SNTG1: variants seen among roughly 807,000 people sequenced by gnomAD.
SNTG1 encodes syntrophin gamma 1.
Under a neutral mutation model 74.7 loss-of-function variants are expected in SNTG1, and 39 were observed. The ratio of observed to expected loss-of-function variants is 0.52; its 90% confidence interval spans 0.40 to 0.68. The LOEUF (loss-of-function observed/expected upper bound fraction) is 0.68. SNTG1 is among the 30% of genes least tolerant of loss of function. The pLI is 0.00. For missense variants in SNTG1, 685 were observed against 609.5 expected (o/e 1.12, Z -1.30); for synonymous variants, 254 against 217.1 (o/e 1.17, Z -1.49).
chr8:50,690,512 A>G (rs2095373149), intron 15 of SNTG1, among the ~76,000 whole-genome samples: 1 of 152,164 alleles, frequency 6.6e-6, no homozygotes, highest in Non-Finnish European at 1.5e-5. Flanking sequence ...TTTACCCAGT[A>G]GTCATTCAGG....
chr8:50,248,761 T>C (rs2086512671), intron 2 of SNTG1, among the ~76,000 whole-genome samples: 1 of 152,130 alleles, frequency 6.6e-6, no homozygotes, highest in African/African-American at 2.4e-5. Context: ...GAGATAGAAA[T>C]AAAGATGGTG....
intron 2 of SNTG1, among the ~76,000 whole-genome samples, chr8:50,203,749 T>A (rs1373947709): frequency 6.8e-6 from 1 of 146,076 alleles, no homozygotes; most frequent in Admixed American, 6.8e-5. Context: ...GAATTAAATA[T>A]GTGTGTGTGT....
rs1010367901 is a variant in SNTG1, at chr8:50,725,356, A to G, written c.1284+16378A>G. Reference sequence around the variant, plus strand: ...ATGATATATTAGAATTCACTAGTCAATTTTTCATTTAATGCTCACCTTACT... The same window carrying G: ...ATGATATATTAGAATTCACTAGTCAGTTTTTCATTTAATGCTCACCTTACT... On this transcript the variant is annotated intron_variant, in intron 17 of 18. Coordinates refer to ENST00000642720, the MANE Select transcript of SNTG1 (RefSeq NM_018967.5). Among the ~76,000 whole-genome samples the G allele has an allele frequency of 4.6e-5, 7 of 152,224 alleles. No individual in the cohort carries two copies. The South Asian group carries it at 6.2e-4, about 14-fold the overall frequency.
In SNTG1 at chr8:50,603,675, T is replaced by C. The variant is rs10087389; in HGVS notation, c.849+12758T>C. On this transcript the variant is annotated intron_variant, in intron 13 of 18. Transcript: ENST00000642720. Reference sequence around the variant, plus strand: ...TTTCTTGGGGAGGCTTTCCAGCTATTCGATGCAACTTGGACCCCAAGACCA... The same window carrying C: ...TTTCTTGGGGAGGCTTTCCAGCTATCCGATGCAACTTGGACCCCAAGACCA... Among the ~76,000 whole-genome samples, 920 of 152,272 alleles carry C rather than the reference T, an allele frequency of 6.0e-3. 12 individuals carry two copies. The highest frequency in any genetic ancestry group is 0.021 in the African/African-American group (876 of 41,556).
chr8:50,594,331 A>G (rs950800682), intron 13 of SNTG1, among the ~76,000 whole-genome samples: 3 of 152,146 alleles, frequency 2.0e-5, no homozygotes, highest in Non-Finnish European at 2.9e-5. Context: ...TCCCACAAAA[A>G]TATCATTTTT....
chr8:50,427,312 GATT>G (rs939093850), intron 4 of SNTG1, among the ~76,000 whole-genome samples: 48 of 152,042 alleles, frequency 3.2e-4, no homozygotes, highest in African/African-American at 1.1e-3. Context: ...TAAACATAAT[GATT>G]ATTATTAATA....
intron 1 of SNTG1, among the ~76,000 whole-genome samples, chr8:49,932,256 G>A (rs961180368): frequency 5.3e-5 from 8 of 152,096 alleles, no homozygotes; most frequent in Non-Finnish European, 7.4e-5. Context: ...CATTTGTTGA[G>A]TGAGTGAAGG....
chr8:50,398,187 AT>A (rs1382342209), intron 3 of SNTG1, among the ~76,000 whole-genome samples: 3 of 152,200 alleles, frequency 2.0e-5, no homozygotes, highest in African/African-American at 7.2e-5. Context: ...TTTATTCTCC[AT>A]CTTCTACTCT....
intron 2 of SNTG1, among the ~76,000 whole-genome samples, chr8:50,346,701 T>C (rs1162389240): frequency 6.6e-6 from 1 of 152,230 alleles, no homozygotes; most frequent in Admixed American, 6.5e-5. Context: ...ACTTCTCCAG[T>C]GAACACACAA....
chr8:50,602,909 T>G (rs1300937992), intron 13 of SNTG1, among the ~76,000 whole-genome samples: 1 of 151,870 alleles, frequency 6.6e-6, no homozygotes, highest in Non-Finnish European at 1.5e-5. Flanking sequence ...ATTTTTTTTT[T>G]TTTTTTTCAG....
At chr8:50,707,076 A>G (rs2095445725) in intron 16 of SNTG1, among the ~76,000 whole-genome samples, 1 of 152,060 alleles carries the variant, frequency 6.6e-6, no homozygotes, top group Admixed American at 6.5e-5. Context: ...AATATTATAA[A>G]TGATAGAACT....
intron 13 of SNTG1, among the ~76,000 whole-genome samples, chr8:50,619,227 G>T (rs558616415): frequency 6.6e-6 from 1 of 152,044 alleles, no homozygotes; most frequent in African/African-American, 2.4e-5. Flanking sequence ...TTCACTCTAG[G>T]AATAGATTTT....
In SNTG1 at chr8:50,143,008, A is replaced by G. The variant is rs1475676440; in HGVS notation, c.-102-29553A>G. Among the ~76,000 whole-genome samples, 7 of 152,208 alleles carry G rather than the reference A, an allele frequency of 4.6e-5. No individual in the cohort carries two copies. In the East Asian group the frequency reaches 1.2e-3, roughly 25 times the overall value. On this transcript the variant is annotated intron_variant, in intron 1 of 18. Coordinates refer to ENST00000642720, the MANE Select transcript of SNTG1 (RefSeq NM_018967.5). ...AGAATCGCCTGAACCCAGGAGATGG[A>G]TGTTGCAATAAGTCGAGATCACTCC...
chr8:50,165,467 G>C (rs1225853625), intron 1 of SNTG1, among the ~76,000 whole-genome samples: 1 of 152,188 alleles, frequency 6.6e-6, no homozygotes, highest in Non-Finnish European at 1.5e-5. Flanking sequence ...GTTTGCTGTA[G>C]AGTTTGTTCA....
In SNTG1 at chr8:50,122,023, G is replaced by T. The variant is rs975333157; in HGVS notation, c.-102-50538G>T. On this transcript the variant is annotated intron_variant, in intron 1 of 18. Transcript: ENST00000642720. ...ACCCAAGTGAAATTGTTTTTAGGCT[G>T]GCTTGCCTGTGCTGGCCTCTCACCT... Among the ~76,000 whole-genome samples, 2 of 141,192 alleles carry T rather than the reference G, an allele frequency of 1.4e-5. 1 individual carries two copies. Among genetic ancestry groups the T allele is most frequent in the Non-Finnish European group, 3.1e-5 (2 of 63,608 alleles). The allele number at this position is 141,192 out of a possible 152,430, so 92.6% of individuals were successfully genotyped here.
intron 5 of SNTG1, among the ~76,000 whole-genome samples, chr8:50,448,993 A>G (rs772641452): frequency 1.1e-4 from 16 of 152,154 alleles, no homozygotes; most frequent in Non-Finnish European, 2.1e-4. Flanking sequence ...GCGCCATGGC[A>G]CTCCAGCCTG....
intron 1 of SNTG1, among the ~76,000 whole-genome samples, chr8:50,039,506 G>T (rs1251885945): frequency 2.0e-5 from 3 of 146,492 alleles, no homozygotes; most frequent in African/African-American, 7.6e-5. Flanking sequence ...CCTAGGCCAT[G>T]TCTTTATCTA....
chr8:50,356,531 A>G (rs1296333477), intron 2 of SNTG1, among the ~76,000 whole-genome samples: 1 of 152,292 alleles, frequency 6.6e-6, no homozygotes, highest in East Asian at 1.9e-4. Context: ...TATTTCATAC[A>G]GTTCTGGAGT....
At chr8:50,251,292 G>C (rs971232855) in intron 2 of SNTG1, among the ~76,000 whole-genome samples, 7 of 151,638 alleles carry the variant, frequency 4.6e-5, no homozygotes, top group Non-Finnish European at 1.0e-4. Flanking sequence ...AACCAGAGAG[G>C]TAAACAACGA....
Sources: gnomAD v4.1 joint callset for allele counts (sites outside exome capture counted in the v4.1 genomes callset) on GRCh38, gnomAD v4.1.1 for gene constraint, MANE v1.5 for transcripts, NCBI Gene and HGNC (gene_info 2026-07-23, HGNC 2026-07-21) for gene names.